The following FOXO1 variants were observed in gnomAD, a reference collection of about 807,000 sequenced individuals.
The protein encoded by FOXO1 is forkhead box O1, also known as forkhead box protein O1.
A neutral mutation model predicts 44.1 loss-of-function variants in FOXO1; 6 were observed. That is an observed-to-expected ratio of 0.14 (90% confidence interval 0.07 to 0.27). FOXO1 has a LOEUF of 0.27. FOXO1 is among the 10% of genes least tolerant of loss of function. The pLI, the probability that FOXO1 is intolerant of heterozygous loss-of-function variation, is 1.00. For missense variants in FOXO1, 737 were observed against 888.8 expected, an observed-to-expected ratio of 0.83 and a Z score of 2.17; for synonymous variants, 380 against 362.7, an observed-to-expected ratio of 1.05 and a Z score of -0.54.
chr13:40,656,714 A>G (rs1289670641), intron 1 of FOXO1, among the ~76,000 whole-genome samples: 1 of 152,240 alleles, frequency 6.6e-6, no homozygotes, highest in Non-Finnish European at 1.5e-5. Flanking sequence ...TTATTTGGCA[A>G]AAACAAAGAT....
At chr13:40,644,753 T>C (rs1165276336) in intron 1 of FOXO1, among the ~76,000 whole-genome samples, 1 of 152,186 alleles carries the variant, frequency 6.6e-6, no homozygotes, top group Non-Finnish European at 1.5e-5. Context: ...CCCATCCTCA[T>C]TCAAGCACAA....
chr13:40,634,279 A>G (rs1461105738), intron 1 of FOXO1, among the ~76,000 whole-genome samples: 1 of 152,198 alleles, frequency 6.6e-6, no homozygotes, highest in African/African-American at 2.4e-5. Flanking sequence ...GCAATAGAGA[A>G]CTCAACAATT....
At chr13:40,611,692 G>GGA (rs1375297123) in intron 1 of FOXO1, among the ~76,000 whole-genome samples, 2 of 152,172 alleles carry the variant, frequency 1.3e-5, no homozygotes, top group Non-Finnish European at 2.9e-5. Context: ...TTGGGAGAGA[G>GGA]GACGGTGCTC....
At chr13:40,616,261 G>A (rs1171494747) in intron 1 of FOXO1, among the ~76,000 whole-genome samples, 2 of 152,036 alleles carry the variant, frequency 1.3e-5, no homozygotes, top group African/African-American at 4.8e-5. Context: ...ATGATAGTAA[G>A]GAGGATTTCT....
chr13:40,569,394 G>T (rs1049607933), intron 1 of FOXO1, among the ~76,000 whole-genome samples: 1 of 152,172 alleles, frequency 6.6e-6, no homozygotes. Flanking sequence ...ACATGAAGTT[G>T]CCTGGTGCAT....
chr13:40,623,071 C>T (rs576350803), intron 1 of FOXO1, among the ~76,000 whole-genome samples: 1 of 152,050 alleles, frequency 6.6e-6, no homozygotes, highest in Non-Finnish European at 1.5e-5. Context: ...CAAAACAAAA[C>T]CACCTGATTT....
At chr13:40,583,848 T>C (rs190876976) in intron 1 of FOXO1, among the ~76,000 whole-genome samples, 1 of 152,360 alleles carries the variant, frequency 6.6e-6, no homozygotes, top group East Asian at 1.9e-4. Flanking sequence ...AACTTTCCCT[T>C]TGCATTCACA....
chr13:40,666,161 G>T lies in FOXO1; in HGVS notation c.52C>A (p.Pro18Thr). Reference protein sequence around the residue: ...VEIDPDFEPLPRPRSCTWPLP... With the variant: ...VEIDPDFEPLTRPRSCTWPLP... ...GGCCAGGTGCACGAGCGCGGCCGGG[G>T]CAGCGGCTCGAAGTCCGGGTCGATC... Residue 18 changes from proline to threonine, a missense_variant, in exon 1 of 3, where the codon CCC becomes ACC. This residue lies in a region of FOXO1 where 213 missense variants were observed against 236.4 expected (regional missense o/e 0.90). Transcript: ENST00000379561. 1 of 1,463,004 alleles carries T rather than the reference G, an allele frequency of 6.8e-7. No homozygotes were observed. The highest frequency in any genetic ancestry group is 9.0e-7 in the Non-Finnish European group (1 of 1,110,708). The allele number at this position is 1,463,004 out of a possible 1,614,324, so 90.6% of individuals were successfully genotyped here. A position where few individuals can be genotyped will look rare whatever the true frequency, so the allele number is the denominator to read the frequency against.
At chr13:40,609,294 G>A (rs927567655) in intron 1 of FOXO1, among the ~76,000 whole-genome samples, 5 of 152,042 alleles carry the variant, frequency 3.3e-5, no homozygotes, top group African/African-American at 1.2e-4. Context: ...TGCTTGCCAT[G>A]ACAAGGTTAA....
At chr13:40,574,889 T>C (rs779128538) in intron 1 of FOXO1, among the ~76,000 whole-genome samples, 1 of 152,182 alleles carries the variant, frequency 6.6e-6, no homozygotes. Context: ...TAGCCAAACC[T>C]AGAAAACTCT....
chr13:40,641,347 C>A (rs1257590017), intron 1 of FOXO1, among the ~76,000 whole-genome samples: 1 of 151,974 alleles, frequency 6.6e-6, no homozygotes, highest in African/African-American at 2.4e-5. Flanking sequence ...ACAAACACAC[C>A]TGAATTATTC....
chr13:40,582,229 AT>A (rs1479828958), intron 1 of FOXO1, among the ~76,000 whole-genome samples: 1 of 152,254 alleles, frequency 6.6e-6, no homozygotes, highest in Non-Finnish European at 1.5e-5. Context: ...TTTTAAAAAA[AT>A]AATGTACACA....
chr13:40,637,844 G>A (rs188248949), intron 1 of FOXO1, among the ~76,000 whole-genome samples: 1 of 152,138 alleles, frequency 6.6e-6, no homozygotes, highest in Non-Finnish European at 1.5e-5. Context: ...CTACTATACT[G>A]ACTTCCTCAG....
chr13:40,569,116 G>A (rs913248927), intron 1 of FOXO1, among the ~76,000 whole-genome samples: 1 of 152,214 alleles, frequency 6.6e-6, no homozygotes, highest in African/African-American at 2.4e-5. Flanking sequence ...TCCAAAGGAA[G>A]GGAAAATATG....
intron 1 of FOXO1, among the ~76,000 whole-genome samples, chr13:40,654,440 G>A (rs1877789949): frequency 6.7e-6 from 1 of 148,822 alleles, no homozygotes; most frequent in African/African-American, 2.5e-5. Flanking sequence ...GGCGGAGGTT[G>A]CAGTGAACCG....
At chr13:40,635,125 G>A (rs186629934) in intron 1 of FOXO1, among the ~76,000 whole-genome samples, 1 of 152,264 alleles carries the variant, frequency 6.6e-6, no homozygotes, top group Admixed American at 6.5e-5. Flanking sequence ...TAAGGCATAT[G>A]GCATTGTTCT....
At chr13:40,584,586 C>A (rs1262942222) in intron 1 of FOXO1, among the ~76,000 whole-genome samples, 2 of 148,788 alleles carry the variant, frequency 1.3e-5, no homozygotes, top group African/African-American at 2.5e-5. Context: ...TAGGTTGAGG[C>A]TGCAGTGAGC....
intron 1 of FOXO1, among the ~76,000 whole-genome samples, chr13:40,600,315 A>G (rs1343385843): frequency 2.6e-5 from 4 of 152,210 alleles, no homozygotes; most frequent in African/African-American, 9.7e-5. Context: ...TCCAGAAACC[A>G]TCTGTGTGTG....
At position 40,665,940 on chromosome 13, in the gene FOXO1, C is replaced by T; in HGVS notation, c.273G>A (p.Ala91=). The T allele has an allele frequency of 8.2e-7, 1 of 1,219,942 alleles. No individual in the cohort carries two copies. The highest frequency in any genetic ancestry group is 3.2e-4 in the Middle Eastern group (1 of 3,134). 75.6% of individuals were successfully genotyped at this position (1,219,942 alleles called of 1,614,324 possible). Residue 91 remains alanine, a synonymous_variant, in exon 1 of 3, where the codon GCG becomes GCA. Transcript: ENST00000379561. ...EDFPQAPGSV[A]AAVAAAAAAA... is the part of the protein sequence containing the mutation. ...CGGCGGCCGCCGCCGCCACCGCCGCCGCCACGGAGCCGGGCGCCTGCGGGA... is the reference window on the plus strand; with the variant it reads ...CGGCGGCCGCCGCCGCCACCGCCGCTGCCACGGAGCCGGGCGCCTGCGGGA...
Sources: gnomAD v4.1 joint callset for allele counts (sites outside exome capture counted in the v4.1 genomes callset) on GRCh38, gnomAD v4.1.1 for gene constraint, gnomAD v4.1.1 regional missense constraint, MANE v1.5 for transcripts, NCBI Gene and HGNC (gene_info 2026-07-23, HGNC 2026-07-21) for gene names.